TNR: variants seen among roughly 807,000 people sequenced by gnomAD.
The protein encoded by TNR is tenascin-R.
TNR carries 45 observed loss-of-function variants against 150.4 expected under a neutral mutation model. That is an observed-to-expected ratio of 0.30 (90% CI 0.24 to 0.38). The LOEUF (loss-of-function observed/expected upper bound fraction) is 0.38, where lower values mean the gene tolerates loss of function less well. TNR is among the 10% of genes least tolerant of loss of function. The pLI is 1.00. For synonymous variants in TNR, 687 were observed against 678.4 expected, an observed-to-expected ratio of 1.01 and a Z score of -0.20; for missense variants, 1,544 against 1,759.1, an observed-to-expected ratio of 0.88 and a Z score of 2.19.
chr1:175,606,480 T>C (rs1490169447), intron 1 of TNR, among the ~76,000 whole-genome samples: 1 of 152,210 alleles, frequency 6.6e-6, no homozygotes, highest in East Asian at 1.9e-4. Flanking sequence ...CCTGACACTC[T>C]AAATTTGTCA....
chr1:175,529,861 G>A (rs372692808), intron 1 of TNR, among the ~76,000 whole-genome samples: 9 of 152,172 alleles, frequency 5.9e-5, no homozygotes, highest in African/African-American at 2.2e-4. Context: ...TGCATCAAAA[G>A]TCATGAAAAA....
chr1:175,732,776 C>T (rs1194451283), intron 1 of TNR, among the ~76,000 whole-genome samples: 1 of 152,204 alleles, frequency 6.6e-6, no homozygotes. Flanking sequence ...AACTTTGTGT[C>T]TTGGTTTCCT....
At chr1:175,713,965 C>G (rs564393869) in intron 1 of TNR, among the ~76,000 whole-genome samples, 1 of 152,156 alleles carries the variant, frequency 6.6e-6, no homozygotes, top group East Asian at 1.9e-4. Context: ...ACACCCTCTT[C>G]CTGTCTCACT....
chr1:175,520,343 C>T (rs1250157576), intron 2 of TNR, among the ~76,000 whole-genome samples: 3 of 152,168 alleles, frequency 2.0e-5, no homozygotes, highest in Non-Finnish European at 4.4e-5. Context: ...AGCAGAGAAG[C>T]GTGGCACTCC....
chr1:175,421,047 T>C (rs1043086313), intron 2 of TNR, among the ~76,000 whole-genome samples: 32 of 152,216 alleles, frequency 2.1e-4, no homozygotes, highest in African/African-American at 7.2e-4. Flanking sequence ...TGGACACTTA[T>C]AGTTGCCTTA....
In TNR at chr1:175,492,998, G is replaced by A. The variant is rs114030208; in HGVS notation, c.-64+35271C>T. Among the ~76,000 whole-genome samples the A allele has an allele frequency of 8.9e-3, 1,362 of 152,232 alleles. 19 individuals are homozygous for A. Among genetic ancestry groups the A allele is most frequent in the African/African-American group, 0.031 (1,287 of 41,532 alleles). ...AGGCAATACGAGGAGCAGGAGGTGGGTGGGTAGTCCCTCACACAGCCAAAG... is the reference window on the plus strand; with the variant it reads ...AGGCAATACGAGGAGCAGGAGGTGGATGGGTAGTCCCTCACACAGCCAAAG... On this transcript the variant is annotated intron_variant, in intron 2 of 22. Transcript: ENST00000367674.
intron 2 of TNR, among the ~76,000 whole-genome samples, chr1:175,509,461 T>G (rs921081444): frequency 6.6e-6 from 1 of 152,214 alleles, no homozygotes. Flanking sequence ...TGCCTCCTGA[T>G]TTTCTTGGCT....
At chr1:175,442,900 A>G (rs1214250813) in intron 2 of TNR, among the ~76,000 whole-genome samples, 1 of 150,176 alleles carries the variant, frequency 6.7e-6, no homozygotes, top group Admixed American at 6.6e-5. Context: ...CCTATATTGT[A>G]TACCTTGTTG....
Position 175,362,315 on chromosome 1 carries a change from G to A in TNR, c.2854+348C>T, listed in dbSNP as rs571387373. Reference sequence around the variant, plus strand: ...GGAATAACAACCCTTTTCTTCTCGAGGTGAAATTTTCTCATCTGAGTCTTT... The same window carrying A: ...GGAATAACAACCCTTTTCTTCTCGAAGTGAAATTTTCTCATCTGAGTCTTT... On this transcript the variant is annotated intron_variant, in intron 14 of 22. Transcript: ENST00000367674. Among the ~76,000 whole-genome samples, 3 of 152,230 alleles carry A rather than the reference G, an allele frequency of 2.0e-5. No homozygotes were observed. In the East Asian group the frequency reaches 5.8e-4, roughly 29 times the overall value.
At position 175,438,012 on chromosome 1, in the gene TNR, G is replaced by T. The variant is rs191974240; in HGVS notation, c.-63-31235C>A. Among the ~76,000 whole-genome samples, 123 of 152,188 alleles carry T rather than the reference G, an allele frequency of 8.1e-4. 1 individual carries two copies. In the East Asian group the frequency reaches 0.017, roughly 21 times the overall value. Reference sequence around the variant, plus strand: ...CAGTCAATAGAAAAAGAGGGAATCCGCCCTAACTCATTTTATGAGGCCAGC... The same window carrying T: ...CAGTCAATAGAAAAAGAGGGAATCCTCCCTAACTCATTTTATGAGGCCAGC... On this transcript the variant is annotated intron_variant, in intron 2 of 22. Coordinates refer to ENST00000367674, the MANE Select transcript of TNR (RefSeq NM_003285.3).
rs1571532488 is a variant in TNR, at chr1:175,503,840, A to T, written c.-64+24429T>A. On this transcript the variant is annotated intron_variant, in intron 2 of 22. Coordinates refer to ENST00000367674, the MANE Select transcript of TNR (RefSeq NM_003285.3). ...TGGGGGAGGCAGGCAGAAATTTTTC[A>T]GCAATGCCTTCCTTTTGAGGTAATC... is the stretch of plus-strand genomic sequence containing the variant. 3.9e-5 allele frequency among the ~76,000 whole-genome samples: 6 copies of T among 152,330 alleles called. No homozygotes were observed. In the Middle Eastern group the frequency reaches 0.02, roughly 518 times the overall value.
At chr1:175,685,068 C>A (rs772006764) in intron 1 of TNR, among the ~76,000 whole-genome samples, 3 of 152,124 alleles carry the variant, frequency 2.0e-5, no homozygotes, top group Admixed American at 1.3e-4. Flanking sequence ...ACTCTTCATT[C>A]TCCTCCACTC....
At chr1:175,368,417 ACT>A (rs545835149) in intron 9 of TNR, among the ~76,000 whole-genome samples, 448 of 152,056 alleles carry the variant, frequency 2.9e-3, no homozygotes, top group Middle Eastern at 0.014. Flanking sequence ...CATTGCATCT[ACT>A]CTGACTCTGA....
intron 2 of TNR, among the ~76,000 whole-genome samples, chr1:175,439,106 G>A (rs571274122): frequency 6.6e-5 from 10 of 152,252 alleles, no homozygotes; most frequent in Admixed American, 5.9e-4. Flanking sequence ...GAGGCATCAC[G>A]CTATCTGACG....
chr1:175,446,725 A>G (rs1226951981), intron 2 of TNR, among the ~76,000 whole-genome samples: 1 of 152,196 alleles, frequency 6.6e-6, no homozygotes, highest in Non-Finnish European at 1.5e-5. Context: ...CTTGGTGCTC[A>G]TTGCAAGGGA....
At chr1:175,487,649 C>T (rs777690352) in intron 2 of TNR, among the ~76,000 whole-genome samples, 3 of 152,130 alleles carry the variant, frequency 2.0e-5, no homozygotes, top group Admixed American at 2.0e-4. Flanking sequence ...TGATCTTGAG[C>T]AAGGCGCCTC....
chr1:175,355,410 C>G, intron 17 of TNR, 93 bp downstream of exon 17: 1 of 1,521,986 alleles, frequency 6.6e-7, no homozygotes, highest in Non-Finnish European at 8.9e-7. Context: ...TTCCTTCCCC[C>G]TCCCTCCAAT....
intron 1 of TNR, among the ~76,000 whole-genome samples, chr1:175,719,485 C>T (rs1436405187): frequency 2.0e-5 from 3 of 152,334 alleles, no homozygotes; most frequent in Admixed American, 1.3e-4. Flanking sequence ...TAGGCAGGTA[C>T]TTCATCTCCC....
chr1:175,358,022 G>A (rs1392478468), intron 15 of TNR, among the ~76,000 whole-genome samples: 2 of 152,202 alleles, frequency 1.3e-5, no homozygotes, highest in East Asian at 1.9e-4. Flanking sequence ...TTGAAACCAC[G>A]ACTTGAAGGA....
Sources: gnomAD v4.1 joint callset for allele counts (sites outside exome capture counted in the v4.1 genomes callset) on GRCh38, gnomAD v4.1.1 for gene constraint, MANE v1.5 for transcripts, NCBI Gene and HGNC (gene_info 2026-07-23, HGNC 2026-07-21) for gene names.